CSMD2: variants seen among roughly 807,000 people sequenced by gnomAD.
CSMD2 encodes CUB and sushi domain-containing protein 2.
A neutral mutation model predicts 398.5 loss-of-function variants in CSMD2; 130 were observed. The ratio of observed to expected loss-of-function variants is 0.33; its 90% CI spans 0.28 to 0.38. The LOEUF is 0.38. Among genes scored for constraint, CSMD2 ranks in the 10% least tolerant of loss-of-function variants. The pLI is 1.00. For missense variants in CSMD2, 3,829 were observed against 4,764.9 expected (o/e 0.80, Z 5.78); for synonymous variants, 1,828 against 1,908.5 (o/e 0.96, Z 1.10).
chr1:33,540,276 A>C (rs1327176454), intron 60 of CSMD2, among the ~76,000 whole-genome samples: 1 of 130,700 alleles, frequency 7.7e-6, no homozygotes, highest in Non-Finnish European at 1.8e-5. Flanking sequence ...AAAAAAAAAC[A>C]CCCCCAATAT....
chr1:33,700,492 C>T, intron 23 of CSMD2, 25 bp downstream of exon 23: 4 of 1,612,154 alleles, frequency 2.5e-6, no homozygotes, highest in Non-Finnish European at 3.4e-6. Context: ...ACTTCCTTGT[C>T]CACACAGATG....
At chr1:33,592,125 C>A in intron 44 of CSMD2, 1 of 451,494 alleles carries the variant, frequency 2.2e-6, no homozygotes. Context: ...AGAGAGAACC[C>A]AAGGGTGGGT....
At chr1:33,700,440 G>A (rs1645573551) in intron 23 of CSMD2, 77 bp downstream of exon 23, 1 of 1,497,896 alleles carries the variant, frequency 6.7e-7, no homozygotes. Flanking sequence ...TATCTCGTGA[G>A]CAAGCAGAAG....
intron 3 of CSMD2, among the ~76,000 whole-genome samples, chr1:33,997,198 AG>A (rs1646753646): frequency 1.3e-5 from 2 of 152,322 alleles, no homozygotes; most frequent in African/African-American, 4.8e-5. Context: ...CTGCCTGGGC[AG>A]GCTGGGCCCA....
chr1:33,950,383 C>CACAGAGAGAGAGAGAG (rs1644966404), intron 3 of CSMD2, among the ~76,000 whole-genome samples: 1 of 133,818 alleles, frequency 7.5e-6, no homozygotes, highest in African/African-American at 2.9e-5. Context: ...TCTCCTCCAG[C>CACAGAGAGAGAGAGAG]AGAGAGAGAG....
intron 32 of CSMD2, among the ~76,000 whole-genome samples, chr1:33,631,293 G>T (rs560417403): frequency 6.6e-6 from 1 of 151,914 alleles, no homozygotes; most frequent in East Asian, 1.9e-4. Flanking sequence ...ATTATGAAAT[G>T]GATTTTTTAC....
chr1:33,551,817 C>T (rs1249248166), intron 55 of CSMD2, among the ~76,000 whole-genome samples: 1 of 152,162 alleles, frequency 6.6e-6, no homozygotes, highest in African/African-American at 2.4e-5. Flanking sequence ...TGATGTTGAG[C>T]CAGGTTACAT....
intron 1 of CSMD2, among the ~76,000 whole-genome samples, chr1:34,095,814 C>A (rs1195411018): frequency 3.4e-5 from 5 of 149,108 alleles, no homozygotes; most frequent in African/African-American, 1.0e-4. Flanking sequence ...GATTCACAGC[C>A]GAATTCTACC....
chr1:33,979,395 A>G (rs1237003816), intron 3 of CSMD2, among the ~76,000 whole-genome samples: 1 of 152,138 alleles, frequency 6.6e-6, no homozygotes, highest in Admixed American at 6.6e-5. Context: ...TGAAGGAGGC[A>G]TTTCGGCTAC....
intron 3 of CSMD2, among the ~76,000 whole-genome samples, chr1:33,959,463 C>T (rs1446306520): frequency 6.6e-6 from 1 of 152,206 alleles, no homozygotes; most frequent in Non-Finnish European, 1.5e-5. Flanking sequence ...GTTCTCGCCC[C>T]AGCAGCCTCT....
chr1:33,784,482 CCCCT>C (rs1653261111), intron 12 of CSMD2, among the ~76,000 whole-genome samples: 1 of 152,224 alleles, frequency 6.6e-6, no homozygotes, highest in African/African-American at 2.4e-5. Flanking sequence ...CCCAACTTAG[CCCCT>C]TGAATTTTCA....
At chr1:34,052,405 T>C (rs941251529) in intron 2 of CSMD2, among the ~76,000 whole-genome samples, 1 of 151,086 alleles carries the variant, frequency 6.6e-6, no homozygotes, top group East Asian at 2.0e-4. Context: ...TATATGCAAT[T>C]ACTACACCAT....
At chr1:33,741,884 T>C (rs1409485201) in intron 14 of CSMD2, among the ~76,000 whole-genome samples, 3 of 152,228 alleles carry the variant, frequency 2.0e-5, no homozygotes, top group Non-Finnish European at 4.4e-5. Context: ...CTCCCCAGGA[T>C]ACCTTTTATC....
chr1:33,794,603 G>A (rs192201937), intron 10 of CSMD2, among the ~76,000 whole-genome samples: 17 of 152,306 alleles, frequency 1.1e-4, no homozygotes, highest in African/African-American at 2.9e-4. Flanking sequence ...AGAGGCTGCC[G>A]GTAATGCTAA....
intron 1 of CSMD2, among the ~76,000 whole-genome samples, chr1:34,143,096 T>C (rs1049618238): frequency 1.3e-5 from 2 of 152,134 alleles, no homozygotes; most frequent in Non-Finnish European, 2.9e-5. Flanking sequence ...ACTATGTCTA[T>C]AAAATGAGAA....
chr1:33,544,675 G>A (rs188765440), intron 57 of CSMD2, among the ~76,000 whole-genome samples: 3 of 152,066 alleles, frequency 2.0e-5, no homozygotes, highest in Admixed American at 2.0e-4. Flanking sequence ...TCAGGGGAGG[G>A]GGAGGATGAA....
chr1:33,851,964 G>A (rs1243606455), intron 5 of CSMD2, among the ~76,000 whole-genome samples: 1 of 152,014 alleles, frequency 6.6e-6, no homozygotes, highest in Non-Finnish European at 1.5e-5. Context: ...TGGTTGTGTG[G>A]ACAGCTCTGA....
rs1396412001 is a variant in CSMD2, at chr1:33,896,852, G to C, written c.920+21242C>G. Reference sequence around the variant, plus strand: ...GGGAGTCAGATGTGTGGATATCTCAGGGGGAGAGGATTCCAAGCAGAGGGG... The same window carrying C: ...GGGAGTCAGATGTGTGGATATCTCACGGGGAGAGGATTCCAAGCAGAGGGG... On this transcript the variant is annotated intron_variant, in intron 5 of 70. Transcript: ENST00000373381. Among the ~76,000 whole-genome samples the C allele has an allele frequency of 2.0e-5, 3 of 152,106 alleles. No homozygotes were observed. In the East Asian group the frequency reaches 5.8e-4, roughly 29 times the overall value.
chr1:33,755,918 T>C (rs1446982173), intron 13 of CSMD2, among the ~76,000 whole-genome samples: 2 of 152,042 alleles, frequency 1.3e-5, no homozygotes, highest in Non-Finnish European at 2.9e-5. Context: ...AGTTTTTGTG[T>C]TTCTTTTTTT....
Sources: gnomAD v4.1 joint callset for allele counts (sites outside exome capture counted in the v4.1 genomes callset) on GRCh38, gnomAD v4.1.1 for gene constraint, MANE v1.5 for transcripts, NCBI Gene and HGNC (gene_info 2026-07-23, HGNC 2026-07-21) for gene names.